Variants in CDKL1 observed in about 807,000 individuals in gnomAD.
CDKL1 encodes cyclin-dependent kinase-like 1.
A neutral mutation model predicts 42.0 loss-of-function variants in CDKL1; 41 were observed. The ratio of observed to expected loss-of-function variants is 0.98; its 90% CI spans 0.76 to 1.27. The LOEUF (loss-of-function observed/expected upper bound fraction) is 1.27. Ranked by LOEUF, CDKL1 falls within the 50% of genes most tolerant of loss-of-function variation. The probability of loss-of-function intolerance (pLI) is 0.00; values close to 1 mark genes in which losing one functional copy is unlikely to be tolerated. For synonymous variants in CDKL1, 153 were observed against 158.6 expected (o/e 0.96, Z 0.26); for missense variants, 394 against 428.4 (o/e 0.92, Z 0.71).
intron 7 of CDKL1, chr14:50,335,590 GCAGA>G (rs1414066834): frequency 7.2e-6 from 11 of 1,534,942 alleles, no homozygotes; most frequent in Middle Eastern, 1.7e-4. Context: ...CGAATGTCAG[GCAGA>G]CAAACAGGCC....
rs1276072527 is a variant in CDKL1 at position 50,330,083 on chromosome 14, T to C, written c.1065A>G (p.Pro355=). 6.2e-7 allele frequency: 1 copy of C among 1,608,638 alleles called. No individual in the cohort carries two copies. The highest frequency in any genetic ancestry group is 8.5e-7 in the Non-Finnish European group (1 of 1,178,924). The part of the protein sequence containing the change: ...CDTKKLNYRF[P]NI Reference sequence around the variant, plus strand: ...ATGTCTCCTAGCTCCTTTAAATGTTTGGAAAACGGTAGTTAAGTTTCTTGG... The same window carrying C: ...ATGTCTCCTAGCTCCTTTAAATGTTCGGAAAACGGTAGTTAAGTTTCTTGG... The change falls in exon 10 of 10, where the codon CCA becomes CCG. Residue 355 remains proline, a synonymous_variant. Transcript: ENST00000395834.
intron 8 of CDKL1, chr14:50,333,601 G>A (rs1406641260): frequency 6.6e-6 from 1 of 152,168 alleles, no homozygotes; most frequent in African/African-American, 2.4e-5. Context: ...CAGCACTGCT[G>A]CCTATAGAGT....
intron 2 of CDKL1, among the ~76,000 whole-genome samples, chr14:50,365,596 TCTAG>T (rs1301330860): frequency 6.6e-6 from 1 of 152,166 alleles, no homozygotes; most frequent in Non-Finnish European, 1.5e-5. Flanking sequence ...CCAGTCCCCG[TCTAG>T]CTGTGTTCAT....
intron 2 of CDKL1, among the ~76,000 whole-genome samples, chr14:50,376,086 G>A (rs569293238): frequency 4.2e-4 from 64 of 152,186 alleles, no homozygotes; most frequent in Non-Finnish European, 7.9e-4. Context: ...AGGGATTCTG[G>A]AACAGAAACA....
chr14:50,363,848 T>TGTTG (rs2139467309), intron 2 of CDKL1: 1 of 152,488 alleles, frequency 6.6e-6, no homozygotes, highest in South Asian at 2.1e-4. Context: ...TGCTTACCTC[T>TGTTG]CCAGCCCCAA....
intron 7 of CDKL1, among the ~76,000 whole-genome samples, chr14:50,336,552 T>C (rs964267528): frequency 6.6e-6 from 1 of 152,082 alleles, no homozygotes; most frequent in African/African-American, 2.4e-5. Flanking sequence ...GAAACCTTCA[T>C]TGTGGGACAA....
rs556971870 is a variant in CDKL1, at chr14:50,334,733, C to G, written c.739-112G>C. 52 of 725,132 alleles carry G rather than the reference C, an allele frequency of 7.2e-5. No homozygotes were observed. In the East Asian group the frequency reaches 1.3e-3, roughly 18 times the overall value. The allele number at this position is 725,132 out of a possible 1,614,324, so 44.9% of individuals were successfully genotyped here. A position where few individuals can be genotyped will look rare whatever the true frequency, so the allele number is the denominator to read the frequency against. On this transcript the variant is annotated intron_variant, in intron 7 of 9. Coordinates refer to ENST00000395834, the MANE Select transcript of CDKL1 (RefSeq NM_004196.7). ...CCTGGCACCTTCCTCACGTCCTCCACCCTTTGCCCACCCAACCTCCTGCCC... is the reference window on the plus strand; with the variant it reads ...CCTGGCACCTTCCTCACGTCCTCCAGCCTTTGCCCACCCAACCTCCTGCCC...
At chr14:50,344,875 A>C in intron 4 of CDKL1, 111 bp downstream of exon 4, 1 of 823,452 alleles carries the variant, frequency 1.2e-6, no homozygotes, top group Non-Finnish European at 1.9e-6. Context: ...AGGCTTATGA[A>C]GATTTGGGTA....
intron 2 of CDKL1, chr14:50,377,534 T>C (rs2034768444): frequency 2.3e-6 from 3 of 1,290,306 alleles, no homozygotes; most frequent in South Asian, 1.3e-5. Context: ...TCTAAGACCA[T>C]TGGTACCTGA....
chr14:50,340,751 ATTG>A (rs1405227596), intron 6 of CDKL1, among the ~76,000 whole-genome samples: 1 of 152,204 alleles, frequency 6.6e-6, no homozygotes, highest in Non-Finnish European at 1.5e-5. Context: ...GTGAGTTTTT[ATTG>A]TTGTTATTGT....
intron 3 of CDKL1, among the ~76,000 whole-genome samples, chr14:50,355,908 G>A (rs777983634): frequency 2.0e-5 from 3 of 152,180 alleles, no homozygotes; most frequent in Non-Finnish European, 1.5e-5. Flanking sequence ...AAACTGGTGG[G>A]GAGTGGGGTG....
At chr14:50,372,346 G>C (rs1222105173) in intron 2 of CDKL1, among the ~76,000 whole-genome samples, 1 of 152,144 alleles carries the variant, frequency 6.6e-6, no homozygotes, top group Non-Finnish European at 1.5e-5. Flanking sequence ...TCAAACTCCT[G>C]ACCTCAGGTG....
At chr14:50,344,878 T>A in intron 4 of CDKL1, 108 bp downstream of exon 4, 1 of 863,326 alleles carries the variant, frequency 1.2e-6, no homozygotes, top group Non-Finnish European at 1.8e-6. Context: ...CTTATGAAGA[T>A]TTGGGTAAAA....
At chr14:50,386,406 C>T (rs1566610458) in intron 2 of CDKL1, among the ~76,000 whole-genome samples, 1 of 152,112 alleles carries the variant, frequency 6.6e-6, no homozygotes, top group Non-Finnish European at 1.5e-5. Flanking sequence ...TGCACTGCAG[C>T]CTGGGCAACA....
chr14:50,346,604 T>C (rs2033731495), intron 3 of CDKL1, among the ~76,000 whole-genome samples: 1 of 151,250 alleles, frequency 6.6e-6, no homozygotes, highest in Non-Finnish European at 1.5e-5. Flanking sequence ...CTACATTTTG[T>C]CCAGAAAAAT....
At chr14:50,342,438 G>A in intron 4 of CDKL1, 1 of 1,322,752 alleles carries the variant, frequency 7.6e-7, no homozygotes, top group Non-Finnish European at 9.7e-7. Context: ...GAGCCAAGAA[G>A]AGTGAAAGGA....
chr14:50,395,780 A>G lies in CDKL1; in HGVS notation c.89T>C (p.Val30Ala). ...KCRNRDTGQI[V>A]AIKKFLESED... ...TGATTCCAGAAACTTCTTGATGGCC[A>G]CAATCTGACCCGTGTCCCTGTTTCT... The change falls in exon 2 of 10, where the codon GTG becomes GCG. Residue 30 changes from valine (V) to alanine (A), a missense_variant. Physicochemically the swap from Val to Ala is moderately conservative, Grantham distance 64 (BLOSUM62 0). Transcript: ENST00000395834. 6.2e-7 allele frequency: 1 copy of G among 1,613,910 alleles called. No homozygotes were observed. The highest frequency in any genetic ancestry group is 2.2e-5 in the East Asian group (1 of 44,892).
chr14:50,360,454 C>T (rs1340516103), intron 2 of CDKL1, among the ~76,000 whole-genome samples: 1 of 152,146 alleles, frequency 6.6e-6, no homozygotes, highest in Non-Finnish European at 1.5e-5. Context: ...ATTGCCCAGG[C>T]TGGAGTGCAG....
chr14:50,362,658 G>A (rs1471574799), intron 2 of CDKL1, among the ~76,000 whole-genome samples: 2 of 152,034 alleles, frequency 1.3e-5, no homozygotes, highest in African/African-American at 4.8e-5. Context: ...AGGACTTAGA[G>A]AACATTTGTG....
Sources: gnomAD v4.1 joint callset for allele counts (sites outside exome capture counted in the v4.1 genomes callset) on GRCh38, gnomAD v4.1.1 for gene constraint, MANE v1.5 for transcripts, NCBI Gene and HGNC (gene_info 2026-07-23, HGNC 2026-07-21) for gene names.